EXOC2: variants seen among roughly 807,000 people sequenced by gnomAD.
EXOC2 encodes exocyst complex component 2, also known as SEC5-like 1.
EXOC2 carries 70 observed loss-of-function variants against 131.8 expected under a neutral mutation model. The observed-to-expected ratio is 0.53, with a 90% CI of 0.44 to 0.65. The LOEUF (loss-of-function observed/expected upper bound fraction) is 0.65, where lower values mean the gene tolerates loss of function less well. EXOC2 is among the 30% of genes least tolerant of loss of function. The pLI, the probability that EXOC2 is intolerant of heterozygous loss-of-function variation, is 0.00. For synonymous variants in EXOC2, 411 were observed against 398.4 expected, an observed-to-expected ratio of 1.03 and a Z score of -0.38; for missense variants, 923 against 1,108.6, an observed-to-expected ratio of 0.83 and a Z score of 2.38.
intron 22 of EXOC2, among the ~76,000 whole-genome samples, chr6:533,192 G>A (rs925202285): frequency 6.6e-6 from 1 of 152,178 alleles, no homozygotes; most frequent in Non-Finnish European, 1.5e-5. Flanking sequence ...GGAGATTTGG[G>A]TAGGGACAGA....
intron 1 of EXOC2, chr6:670,354 G>C (rs1404054370): frequency 6.6e-6 from 1 of 152,154 alleles, no homozygotes; most frequent in Non-Finnish European, 1.5e-5. Flanking sequence ...GCAGAGCCAG[G>C]GACGAAAATA....
At chr6:579,214 G>A (rs1758750435) in intron 11 of EXOC2, among the ~76,000 whole-genome samples, 1 of 151,908 alleles carries the variant, frequency 6.6e-6, no homozygotes, top group African/African-American at 2.4e-5. Context: ...CCTTATAACT[G>A]GTATTTTTAT....
At chr6:596,468 A>T (rs1330148311) in intron 10 of EXOC2, among the ~76,000 whole-genome samples, 1 of 150,412 alleles carries the variant, frequency 6.6e-6, no homozygotes, top group Non-Finnish European at 1.5e-5. Flanking sequence ...CCTGGGCTCA[A>T]GAGATCCTAC....
Position 518,354 on chromosome 6 carries a change from G to A in EXOC2, c.2380+14115C>T, listed in dbSNP as rs907783078. On this transcript the variant is annotated intron_variant, in intron 23 of 27. Transcript: ENST00000230449. ...GTCAACTGGATTTGTCAGACTGTTC[G>A]GTTTGGAGATATGTCTCAAAATTTC... 3.9e-5 allele frequency among the ~76,000 whole-genome samples: 6 copies of A among 152,174 alleles called. 1 individual carries two copies. Among genetic ancestry groups the A allele is most frequent in the Admixed American group, 3.3e-4 (5 of 15,276 alleles).
intron 23 of EXOC2, among the ~76,000 whole-genome samples, chr6:517,359 C>A (rs926568296): frequency 6.6e-6 from 1 of 152,000 alleles, no homozygotes; most frequent in Non-Finnish European, 1.5e-5. Flanking sequence ...AAATCAACTA[C>A]AATGAATTGA....
chr6:573,628 T>C (rs1237567567), intron 12 of EXOC2, among the ~76,000 whole-genome samples: 1 of 152,080 alleles, frequency 6.6e-6, no homozygotes, highest in Non-Finnish European at 1.5e-5. Context: ...GTTAGTCCAG[T>C]GAAGGAAGGG....
rs185689911 is a variant in EXOC2 at position 514,852 on chromosome 6, G to A, written c.2381-15152C>T. Among the ~76,000 whole-genome samples, 95 of 152,320 alleles carry A rather than the reference G, an allele frequency of 6.2e-4. 2 individuals are homozygous for A. The East Asian group carries it at 0.016, about 26-fold the overall frequency. Reference sequence around the variant, plus strand: ...AGGAGGAGGGGAGGAGGGCGGAGTCGGAGGGGAGCGAGGGAGCCAGGGAGG... The same window carrying A: ...AGGAGGAGGGGAGGAGGGCGGAGTCAGAGGGGAGCGAGGGAGCCAGGGAGG... On this transcript the variant is annotated intron_variant, in intron 23 of 27. Coordinates refer to ENST00000230449, the MANE Select transcript of EXOC2 (RefSeq NM_018303.6).
chr6:615,579 G>A (rs1287488466), intron 6 of EXOC2, among the ~76,000 whole-genome samples: 1 of 152,074 alleles, frequency 6.6e-6, no homozygotes, highest in Non-Finnish European at 1.5e-5. Context: ...AATTAGCTGG[G>A]CGTGGTGGTG....
chr6:582,247 T>TC (rs973012222), intron 11 of EXOC2, among the ~76,000 whole-genome samples: 33 of 152,288 alleles, frequency 2.2e-4, no homozygotes, highest in Non-Finnish European at 4.1e-4. Flanking sequence ...CGGTATTTTT[T>TC]TTTTTAACAG....
intron 13 of EXOC2, among the ~76,000 whole-genome samples, chr6:570,050 G>A (rs1758180870): frequency 6.6e-6 from 1 of 152,140 alleles, no homozygotes; most frequent in Admixed American, 6.5e-5. Context: ...GCCACTTGTA[G>A]GAACTGATGC....
chr6:514,576 G>A (rs193014903), intron 23 of EXOC2, among the ~76,000 whole-genome samples: 4 of 152,316 alleles, frequency 2.6e-5, no homozygotes, highest in East Asian at 3.9e-4. Flanking sequence ...TGCTCTGAGC[G>A]CGTGGTTTGG....
chr6:576,910 G>GTA (rs1561879138), intron 11 of EXOC2, 28 bp from the exon 12 acceptor site: 3 of 1,610,170 alleles, frequency 1.9e-6, no homozygotes, highest in Non-Finnish European at 2.5e-6. Context: ...GATATACAGA[G>GTA]TATATAGCAT....
At chr6:545,998 C>T (rs1756831418) in intron 22 of EXOC2, among the ~76,000 whole-genome samples, 1 of 151,834 alleles carries the variant, frequency 6.6e-6, no homozygotes, top group Non-Finnish European at 1.5e-5. Context: ...TCTCAAATTC[C>T]TTTTCACCAT....
intron 17 of EXOC2, among the ~76,000 whole-genome samples, chr6:557,837 C>T (rs766700739): frequency 6.6e-6 from 1 of 152,170 alleles, no homozygotes; most frequent in Admixed American, 6.5e-5. Flanking sequence ...GGGCAAGAAA[C>T]CACTGGGAAA....
intron 27 of EXOC2, 135 bp downstream of exon 27, chr6:488,844 T>A (rs1400756912): frequency 1.2e-6 from 1 of 864,000 alleles, no homozygotes; most frequent in Non-Finnish European, 1.8e-6. Flanking sequence ...TAAGTAGGTA[T>A]ATCTGCTTAT....
intron 21 of EXOC2, among the ~76,000 whole-genome samples, chr6:551,444 G>A (rs1442867795): frequency 6.6e-6 from 1 of 152,250 alleles, no homozygotes; most frequent in Non-Finnish European, 1.5e-5. Context: ...CAGGAGAGAG[G>A]AGGCCCTGCA....
At position 564,090 on chromosome 6, in the gene EXOC2, G is replaced by A. The variant is rs374497902; in HGVS notation, c.1732C>T (p.Leu578Phe). ...PNDLLQTIQDLILDLRVRCVM... is the reference protein window; with the variant it reads ...PNDLLQTIQDFILDLRVRCVM... Reference sequence around the variant, plus strand: ...CAACGTACTCGGAGATCCAAGATGAGATCCTGGATAGTCTGTAACAGGTCA... The same window carrying A: ...CAACGTACTCGGAGATCCAAGATGAAATCCTGGATAGTCTGTAACAGGTCA... The change falls in exon 16 of 28, where the codon CTC becomes TTC. Residue 578 changes from leucine to phenylalanine, a missense_variant. Leu to Phe is a conservative substitution (Grantham distance 22). Coordinates refer to ENST00000230449, the MANE Select transcript of EXOC2 (RefSeq NM_018303.6). The A allele has an allele frequency of 5.3e-5, 85 of 1,613,978 alleles. No individual in the cohort carries two copies. Among genetic ancestry groups the A allele is most frequent in the Non-Finnish European group, 6.9e-5 (81 of 1,179,992 alleles).
intron 23 of EXOC2, among the ~76,000 whole-genome samples, chr6:529,643 T>C (rs1053012821): frequency 3.9e-5 from 6 of 152,180 alleles, no homozygotes; most frequent in Non-Finnish European, 2.9e-5. Context: ...CCAATTAAGA[T>C]AAGCATGATT....
At chr6:524,224 G>A (rs989360239) in intron 23 of EXOC2, 2 of 152,150 alleles carry the variant, frequency 1.3e-5, no homozygotes, top group African/African-American at 2.4e-5. Context: ...CTGTAATTAC[G>A]TAGAGGTGTC....
Sources: gnomAD v4.1 joint callset for allele counts (sites outside exome capture counted in the v4.1 genomes callset) on GRCh38, gnomAD v4.1.1 for gene constraint, MANE v1.5 for transcripts, NCBI Gene and HGNC (gene_info 2026-07-23, HGNC 2026-07-21) for gene names.